The following EHBP1 variants were observed in gnomAD, a reference collection of about 807,000 sequenced individuals.
The protein encoded by EHBP1 is EH domain-binding protein 1.
A neutral mutation model predicts 144.0 loss-of-function variants in EHBP1; 55 were observed. That is an observed-to-expected ratio of 0.38 (90% CI 0.31 to 0.48). The LOEUF (loss-of-function observed/expected upper bound fraction) is 0.48. Among genes scored for constraint, EHBP1 ranks in the 20% least tolerant of loss-of-function variants. The pLI is 0.98. For synonymous variants in EHBP1, 469 were observed against 472.7 expected (o/e 0.99, Z 0.10); for missense variants, 1,200 against 1,364.2 (o/e 0.88, Z 1.90).
intron 10 of EHBP1, among the ~76,000 whole-genome samples, chr2:62,885,623 C>T (rs542466070): frequency 1.6e-4 from 25 of 152,134 alleles, no homozygotes; most frequent in Non-Finnish European, 2.6e-4. Context: ...AAATTGTTCC[C>T]AGATACATCT....
intron 10 of EHBP1, among the ~76,000 whole-genome samples, chr2:62,935,059 G>A (rs1431462884): frequency 6.6e-6 from 1 of 152,104 alleles, no homozygotes; most frequent in Non-Finnish European, 1.5e-5. Context: ...GCCGGGCACG[G>A]TGGCTCATGC....
At chr2:62,827,273 T>TG (rs2046407259) in intron 6 of EHBP1, among the ~76,000 whole-genome samples, 1 of 152,206 alleles carries the variant, frequency 6.6e-6, no homozygotes, top group Admixed American at 6.5e-5. Context: ...AGAGAGACAG[T>TG]GCAGAATGGA....
chr2:63,039,021 T>C (rs1465822989), intron 21 of EHBP1, among the ~76,000 whole-genome samples: 1 of 152,224 alleles, frequency 6.6e-6, no homozygotes, highest in African/African-American at 2.4e-5. Flanking sequence ...TTGCTATTAA[T>C]AGTAGCACAA....
At chr2:62,879,406 T>C (rs935114989) in intron 10 of EHBP1, among the ~76,000 whole-genome samples, 4 of 152,032 alleles carry the variant, frequency 2.6e-5, no homozygotes, top group African/African-American at 9.7e-5. Flanking sequence ...GCTCCAAAGC[T>C]CCTAGATCCA....
At chr2:62,823,924 T>C (rs1254199302) in intron 5 of EHBP1, among the ~76,000 whole-genome samples, 1 of 152,048 alleles carries the variant, frequency 6.6e-6, no homozygotes, top group Non-Finnish European at 1.5e-5. Flanking sequence ...TGCCCAGACC[T>C]CAGAAAGGGC....
At chr2:62,819,265 G>A (rs2045695048) in intron 5 of EHBP1, among the ~76,000 whole-genome samples, 1 of 152,252 alleles carries the variant, frequency 6.6e-6, no homozygotes, top group East Asian at 1.9e-4. Context: ...TCTAAAGAAT[G>A]TGGGAGAATG....
intron 6 of EHBP1, 50 bp downstream of exon 6, chr2:62,826,318 C>T: frequency 1.4e-6 from 2 of 1,479,506 alleles, no homozygotes; most frequent in Non-Finnish European, 1.8e-6. Context: ...TTCAGTACAC[C>T]ATAGCTTTTG....
At chr2:62,886,513 A>ATT (rs142098126) in intron 10 of EHBP1, among the ~76,000 whole-genome samples, 240 of 149,854 alleles carry the variant, frequency 1.6e-3, no homozygotes, top group Non-Finnish European at 2.9e-3. Context: ...ATTGGTTAGT[A>ATT]TTTTTTTTTT....
At chr2:62,892,336 C>T (rs1347413104) in intron 10 of EHBP1, among the ~76,000 whole-genome samples, 2 of 152,224 alleles carry the variant, frequency 1.3e-5, no homozygotes, top group South Asian at 4.1e-4. Context: ...AGACCATTCA[C>T]ATATAACTTC....
intron 5 of EHBP1, among the ~76,000 whole-genome samples, chr2:62,774,679 C>T (rs974892847): frequency 4.0e-5 from 6 of 151,694 alleles, no homozygotes; most frequent in Non-Finnish European, 8.8e-5. Context: ...ACTCAGTCTA[C>T]AAAAAAATAA....
At chr2:62,884,271 A>G (rs1239846006) in intron 10 of EHBP1, among the ~76,000 whole-genome samples, 2 of 152,176 alleles carry the variant, frequency 1.3e-5, no homozygotes, top group African/African-American at 4.8e-5. Context: ...AACCTTATAC[A>G]TGTACTTTTG....
chr2:62,815,946 G>C (rs888465594), intron 5 of EHBP1, among the ~76,000 whole-genome samples: 9 of 152,192 alleles, frequency 5.9e-5, no homozygotes, highest in Non-Finnish European at 1.3e-4. Context: ...ATGCATGATA[G>C]AGCAATGGAT....
At chr2:62,727,775 T>C (rs894424189) in intron 2 of EHBP1, among the ~76,000 whole-genome samples, 5 of 152,228 alleles carry the variant, frequency 3.3e-5, no homozygotes, top group Admixed American at 6.5e-5. Flanking sequence ...CTTGGGTATG[T>C]TACAGATCAC....
intron 2 of EHBP1, among the ~76,000 whole-genome samples, chr2:62,738,336 T>C (rs898635160): frequency 1.3e-5 from 2 of 152,174 alleles, no homozygotes; most frequent in African/African-American, 4.8e-5. Context: ...CTGAGCCCTA[T>C]AGTATTATCA....
chr2:63,038,786 C>T lies in EHBP1; in HGVS notation c.3247C>T (p.Arg1083Trp), dbSNP rs1272577531. 5.6e-6 allele frequency: 9 copies of T among 1,613,126 alleles called. No homozygotes were observed. The highest frequency in any genetic ancestry group is 2.2e-5 in the East Asian group (1 of 44,868). Residue 1083 changes from arginine (R) to tryptophan (W), a missense_variant, in exon 21 of 23, where the codon CGG becomes TGG. Coordinates refer to ENST00000431489, the MANE Select transcript of EHBP1 (RefSeq NM_001142616.3). ...AGAACGACGGTATGAGCTGCTGAAC[C>T]GGGAATTGAGGGCAATGCTAGCCAT... ...DLERRYELLN[R>W]ELRAMLAIED...
intron 3 of EHBP1, among the ~76,000 whole-genome samples, chr2:62,755,285 A>T (rs911930767): frequency 6.6e-6 from 1 of 152,170 alleles, no homozygotes; most frequent in Admixed American, 6.5e-5. Context: ...GTTTCGCTTG[A>T]CATAACGTTT....
At chr2:62,985,799 T>C (rs1277437373) in intron 15 of EHBP1, among the ~76,000 whole-genome samples, 2 of 152,220 alleles carry the variant, frequency 1.3e-5, no homozygotes, top group Non-Finnish European at 2.9e-5. Flanking sequence ...CCTGGTGTCA[T>C]TGGCAAAGAA....
At chr2:62,952,125 A>G (rs1276799036) in intron 13 of EHBP1, among the ~76,000 whole-genome samples, 2 of 152,206 alleles carry the variant, frequency 1.3e-5, no homozygotes, top group Admixed American at 6.5e-5. Context: ...ATGTCTATTC[A>G]TAGCTCCATG....
upstream of EHBP1, among the ~76,000 whole-genome samples, chr2:62,701,132 G>A (rs1347365559): frequency 1.3e-5 from 2 of 151,966 alleles, no homozygotes; most frequent in Non-Finnish European, 2.9e-5. Context: ...TCTCATCTTT[G>A]GGAAAGGAAG....
Sources: gnomAD v4.1 joint callset for allele counts (sites outside exome capture counted in the v4.1 genomes callset) on GRCh38, gnomAD v4.1.1 for gene constraint, MANE v1.5 for transcripts, NCBI Gene and HGNC (gene_info 2026-07-23, HGNC 2026-07-21) for gene names.